The following SH2D4B variants were observed in gnomAD, a reference collection of about 807,000 sequenced individuals.
The protein encoded by SH2D4B is SH2 domain containing 4B.
In SH2D4B, 45 loss-of-function variants were observed where a neutral mutation model predicts 61.5. The ratio of observed to expected loss-of-function variants is 0.73; its 90% CI spans 0.58 to 0.94. The LOEUF (loss-of-function observed/expected upper bound fraction) is 0.94. SH2D4B is among the 40% of genes least tolerant of loss of function. The pLI is 0.00. For missense variants in SH2D4B, 572 were observed against 574.2 expected, an observed-to-expected ratio of 1.00 and a Z score of 0.04; for synonymous variants, 224 against 220.4, an observed-to-expected ratio of 1.02 and a Z score of -0.14.
chr10:80,540,758 G>A (rs530902016), intron 1 of SH2D4B: 56 of 1,456,702 alleles, frequency 3.8e-5, no homozygotes, highest in Middle Eastern at 4.9e-4. Flanking sequence ...TCCTGGAGAC[G>A]GTGGGTAGAT....
chr10:80,565,091 C>T (rs7079232), intron 1 of SH2D4B, among the ~76,000 whole-genome samples: 32,715 of 152,114 alleles, frequency 0.22, 4,248 homozygotes, highest in African/African-American at 0.36. Context: ...CTATGAGTGG[C>T]TGAAGTATGG....
intron 3 of SH2D4B, among the ~76,000 whole-genome samples, chr10:80,586,797 T>C (rs796184058): frequency 5.3e-4 from 81 of 152,320 alleles, no homozygotes; most frequent in African/African-American, 1.8e-3. Context: ...GCTCACTCTT[T>C]GGTTCCACGC....
In SH2D4B at chr10:80,644,145, C is replaced by T; in HGVS notation, c.*60C>T. 7.4e-7 allele frequency: 1 copy of T among 1,346,610 alleles called. No homozygotes were observed. The highest frequency in any genetic ancestry group is 1.2e-5 in the South Asian group (1 of 83,120). The allele number at this position is 1,346,610 out of a possible 1,614,324, so 83.4% of individuals were successfully genotyped here. Reference sequence around the variant, plus strand: ...CCTGTTTTTGAACTCAGCTTAAGAACTTCTCATCTCAAATCCTATGGCCTT... The same window carrying T: ...CCTGTTTTTGAACTCAGCTTAAGAATTTCTCATCTCAAATCCTATGGCCTT... On this transcript the variant is annotated 3_prime_UTR_variant, in exon 8 of 8. Coordinates refer to ENST00000646907, the MANE Select transcript of SH2D4B (RefSeq NM_001388272.1).
intron 3 of SH2D4B, 98 bp from the exon 4 acceptor site, chr10:80,588,532 C>G (rs1442790454): frequency 1.3e-6 from 2 of 1,496,788 alleles, no homozygotes; most frequent in African/African-American, 1.4e-5. Flanking sequence ...CTGCTGCACT[C>G]TCAGCCCCAT....
At chr10:80,638,846 T>C (rs997910006) in intron 7 of SH2D4B, among the ~76,000 whole-genome samples, 3 of 152,236 alleles carry the variant, frequency 2.0e-5, no homozygotes, top group African/African-American at 4.8e-5. Context: ...ATTTGTTTGC[T>C]CTTGCTTCTC....
intron 6 of SH2D4B, among the ~76,000 whole-genome samples, chr10:80,612,556 G>A (rs888718791): frequency 1.3e-5 from 2 of 152,192 alleles, no homozygotes; most frequent in Non-Finnish European, 1.5e-5. Context: ...CTTAGAGCCA[G>A]CACCTTGTCA....
chr10:80,572,990 T>A (rs61399448), intron 3 of SH2D4B, among the ~76,000 whole-genome samples: 315 of 22,196 alleles, frequency 0.014, no homozygotes, highest in East Asian at 0.027. Context: ...ATATATATTT[T>A]TTTTTTTTTT....
chr10:80,625,405 A>G (rs1185596377), intron 6 of SH2D4B, among the ~76,000 whole-genome samples: 1 of 152,248 alleles, frequency 6.6e-6, no homozygotes, highest in Non-Finnish European at 1.5e-5. Context: ...ACATTTGCAT[A>G]AAACATATGC....
chr10:80,598,231 G>T (rs918322008), intron 4 of SH2D4B, among the ~76,000 whole-genome samples: 5 of 152,180 alleles, frequency 3.3e-5, no homozygotes, highest in African/African-American at 1.2e-4. Context: ...ATGAGAGAGA[G>T]GAAGTAACAG....
chr10:80,618,656 A>C (rs1331145997), intron 6 of SH2D4B, among the ~76,000 whole-genome samples: 2 of 152,202 alleles, frequency 1.3e-5, no homozygotes, highest in Non-Finnish European at 1.5e-5. Flanking sequence ...GAAATAGCTA[A>C]GTGGTAATGG....
At chr10:80,629,036 A>AAG (rs1842798642) in intron 6 of SH2D4B, among the ~76,000 whole-genome samples, 1 of 144,878 alleles carries the variant, frequency 6.9e-6, no homozygotes, top group East Asian at 1.9e-4. Context: ...TCTCAAAAAA[A>AAG]AAAAAGAAAA....
intron 6 of SH2D4B, among the ~76,000 whole-genome samples, chr10:80,616,131 T>C (rs1842657343): frequency 6.6e-6 from 1 of 152,188 alleles, no homozygotes; most frequent in Admixed American, 6.5e-5. Flanking sequence ...GTCTGAATTT[T>C]CTTCTATTAT....
chr10:80,603,552 G>T, intron 4 of SH2D4B, 27 bp from the exon 5 acceptor site: 1 of 1,513,024 alleles, frequency 6.6e-7, no homozygotes, highest in Non-Finnish European at 8.9e-7. Flanking sequence ...GCGGATCTGG[G>T]CTAACGTGCT....
intron 6 of SH2D4B, among the ~76,000 whole-genome samples, chr10:80,624,806 T>G (rs1379045754): frequency 2.0e-5 from 3 of 152,210 alleles, no homozygotes; most frequent in Non-Finnish European, 2.9e-5. Context: ...CAAAGGACAT[T>G]GATCAATTTT....
At chr10:80,553,635 C>T (rs771175671) in intron 1 of SH2D4B, among the ~76,000 whole-genome samples, 29 of 152,060 alleles carry the variant, frequency 1.9e-4, no homozygotes, top group Non-Finnish European at 3.1e-4. Flanking sequence ...GGAGGTGTGT[C>T]CTTGAGCTGG....
chr10:80,556,097 A>G (rs1841833778), intron 1 of SH2D4B, among the ~76,000 whole-genome samples: 1 of 152,094 alleles, frequency 6.6e-6, no homozygotes, highest in South Asian at 2.1e-4. Context: ...TGACAGCTAC[A>G]ATGTGGACGT....
chr10:80,638,167 G>A (rs566634779), intron 7 of SH2D4B, among the ~76,000 whole-genome samples: 94 of 152,266 alleles, frequency 6.2e-4, no homozygotes, highest in Non-Finnish European at 9.9e-4. Flanking sequence ...GCTTTTTGAT[G>A]TGCTGCTGGA....
rs41300223 is a variant in SH2D4B at position 80,603,811 on chromosome 10, G to A, written c.860+16G>A. The A allele has an allele frequency of 0.068, 108,697 of 1,600,976 alleles. 4,253 individuals carry two copies. Among genetic ancestry groups the A allele is most frequent in the Non-Finnish European group, 0.08 (93,567 of 1,176,452 alleles). On this transcript the variant is annotated intron_variant, in intron 5 of 7. Coordinates refer to ENST00000646907, the MANE Select transcript of SH2D4B (RefSeq NM_001388272.1). ...TGCCGGTCAGGTGGGTCCAGGCTCC[G>A]TGTTGGTGTGGTTGGGGCAAGGGCC...
chr10:80,552,616 C>T (rs1352991387), intron 1 of SH2D4B, among the ~76,000 whole-genome samples: 2 of 152,194 alleles, frequency 1.3e-5, no homozygotes, highest in African/African-American at 4.8e-5. Context: ...GCTCTCACTC[C>T]AGCTCAGAGG....
Sources: allele counts gnomAD v4.1 joint callset (sites outside exome capture counted in the v4.1 genomes callset), GRCh38; gene constraint gnomAD v4.1.1; transcripts MANE v1.5; gene names NCBI Gene and HGNC (gene_info 2026-07-23, HGNC 2026-07-21).